The following SLC44A5 variants were observed in gnomAD, a reference collection of about 807,000 sequenced individuals.
SLC44A5 encodes the protein solute carrier family 44 member 5.
A neutral mutation model predicts 101.8 loss-of-function variants in SLC44A5; 57 were observed. That is an observed-to-expected ratio of 0.56 (90% CI 0.45 to 0.70). The LOEUF (loss-of-function observed/expected upper bound fraction) is 0.70. Among genes scored for constraint, SLC44A5 ranks in the 30% least tolerant of loss-of-function variants. The pLI, the probability that SLC44A5 is intolerant of heterozygous loss-of-function variation, is 0.00. For synonymous variants in SLC44A5, 281 were observed against 290.9 expected, an observed-to-expected ratio of 0.97 and a Z score of 0.35; for missense variants, 737 against 853.1, an observed-to-expected ratio of 0.86 and a Z score of 1.70.
At chr1:75,582,942 C>A (rs891047465) in intron 1 of SLC44A5, among the ~76,000 whole-genome samples, 3 of 152,222 alleles carry the variant, frequency 2.0e-5, no homozygotes, top group Non-Finnish European at 4.4e-5. Flanking sequence ...CCCATCACTG[C>A]ATTCAGACAT....
At chr1:75,301,625 AT>A in intron 4 of SLC44A5, among the ~76,000 whole-genome samples, 1 of 152,318 alleles carries the variant, frequency 6.6e-6, no homozygotes, top group South Asian at 2.1e-4. Context: ...TTACACACTT[AT>A]TTTTTGAAGT....
chr1:75,532,648 G>A (rs191678575), intron 2 of SLC44A5, among the ~76,000 whole-genome samples: 1 of 152,228 alleles, frequency 6.6e-6, no homozygotes, highest in East Asian at 1.9e-4. Flanking sequence ...CCACTAGAAT[G>A]TAAGAGCTAT....
intron 2 of SLC44A5, among the ~76,000 whole-genome samples, chr1:75,498,675 A>G (rs1031519456): frequency 2.6e-5 from 4 of 152,206 alleles, no homozygotes; most frequent in Non-Finnish European, 5.9e-5. Flanking sequence ...TTAGTGAAAG[A>G]AAAGTACACA....
chr1:75,347,456 T>A (rs185883096), intron 3 of SLC44A5, among the ~76,000 whole-genome samples: 270 of 152,252 alleles, frequency 1.8e-3, no homozygotes, highest in African/African-American at 6.1e-3. Context: ...AGAATCTGTA[T>A]CACATGGATG....
At chr1:75,548,915 G>A (rs1379224978) in intron 1 of SLC44A5, among the ~76,000 whole-genome samples, 1 of 152,108 alleles carries the variant, frequency 6.6e-6, no homozygotes, top group Non-Finnish European at 1.5e-5. Flanking sequence ...AAGAGTCTAA[G>A]TTCATTAGTG....
chr1:75,225,303 G>GT (rs1453357303), intron 13 of SLC44A5, among the ~76,000 whole-genome samples: 3 of 152,188 alleles, frequency 2.0e-5, no homozygotes, highest in African/African-American at 7.2e-5. Flanking sequence ...GCCTAAGAGT[G>GT]TAGTAGGCTA....
intron 7 of SLC44A5, among the ~76,000 whole-genome samples, chr1:75,250,258 T>G (rs760397354): frequency 3.3e-5 from 5 of 152,100 alleles, no homozygotes; most frequent in Non-Finnish European, 5.9e-5. Flanking sequence ...TGGCATTTGG[T>G]TTTCTGTTCC....
At chr1:75,481,988 C>T (rs1443147638) in intron 2 of SLC44A5, among the ~76,000 whole-genome samples, 1 of 152,044 alleles carries the variant, frequency 6.6e-6, no homozygotes, top group Non-Finnish European at 1.5e-5. Context: ...TATTGTGGCA[C>T]TATTCACAAT....
intron 6 of SLC44A5, among the ~76,000 whole-genome samples, chr1:75,271,774 CA>C (rs1651501386): frequency 6.6e-6 from 1 of 152,034 alleles, no homozygotes; most frequent in African/African-American, 2.4e-5. Flanking sequence ...CTGCTGTAAA[CA>C]TGTGTGTGCC....
At chr1:75,422,367 G>T (rs1264991615) in intron 2 of SLC44A5, among the ~76,000 whole-genome samples, 3 of 152,170 alleles carry the variant, frequency 2.0e-5, no homozygotes, top group Non-Finnish European at 2.9e-5. Context: ...GTTTCCCAGA[G>T]TGCATAGCAC....
chr1:75,286,276 A>G (rs1185507199), intron 5 of SLC44A5, among the ~76,000 whole-genome samples: 6 of 152,118 alleles, frequency 3.9e-5, no homozygotes, highest in Admixed American at 3.9e-4. Flanking sequence ...TTTATTTGAT[A>G]TAAGAATAGC....
At chr1:75,350,915 A>C (rs1658604114) in intron 3 of SLC44A5, among the ~76,000 whole-genome samples, 2 of 149,740 alleles carry the variant, frequency 1.3e-5, no homozygotes. Flanking sequence ...AAAAAAAGAC[A>C]GAAAGAAAAA....
chr1:75,652,249 C>T, the SLC44A5 span, among the ~76,000 whole-genome samples: 1 of 152,172 alleles, frequency 6.6e-6, no homozygotes, highest in Non-Finnish European at 1.5e-5. Context: ...CCTGGATGTA[C>T]ACCAACATAT....
intron 1 of SLC44A5, among the ~76,000 whole-genome samples, chr1:75,573,656 G>A (rs771442025): frequency 7.9e-5 from 12 of 152,126 alleles, no homozygotes; most frequent in Non-Finnish European, 1.6e-4. Flanking sequence ...TACACAGGGA[G>A]CGTAACCCAA....
At chr1:75,621,197 TGAC>T in the SLC44A5 span, among the ~76,000 whole-genome samples, 2 of 152,176 alleles carry the variant, frequency 1.3e-5, no homozygotes, top group South Asian at 4.1e-4. Flanking sequence ...ATGAAGATGA[TGAC>T]AAGGACAAAA....
intron 23 of SLC44A5, chr1:75,206,552 C>A: frequency 8.6e-7 from 1 of 1,168,250 alleles, no homozygotes; most frequent in South Asian, 1.3e-5. Flanking sequence ...AAATTACAAT[C>A]AACCTAATTT....
At chr1:75,457,597 C>A (rs1666258778) in intron 2 of SLC44A5, among the ~76,000 whole-genome samples, 1 of 152,180 alleles carries the variant, frequency 6.6e-6, no homozygotes, top group Admixed American at 6.5e-5. Flanking sequence ...GTGGCTCACT[C>A]TTGTAATCTC....
intron 2 of SLC44A5, among the ~76,000 whole-genome samples, chr1:75,503,414 T>G (rs1669075708): frequency 6.6e-6 from 1 of 152,082 alleles, no homozygotes; most frequent in South Asian, 2.1e-4. Context: ...TATTTAAAAG[T>G]GTGTAACACT....
At chr1:75,341,855 G>A (rs912525956) in intron 3 of SLC44A5, among the ~76,000 whole-genome samples, 1 of 152,030 alleles carries the variant, frequency 6.6e-6, no homozygotes, top group Non-Finnish European at 1.5e-5. Context: ...AACTTTTAGG[G>A]GTACAAGATT....
Sources: allele counts gnomAD v4.1 joint callset (sites outside exome capture counted in the v4.1 genomes callset), GRCh38; gene constraint gnomAD v4.1.1; transcripts MANE v1.5; gene names NCBI Gene and HGNC (gene_info 2026-07-23, HGNC 2026-07-21).